Variants in PLXNA4 observed in about 807,000 individuals in gnomAD.
PLXNA4 encodes the protein plexin-A4.
In PLXNA4, 44 loss-of-function variants were observed where a neutral mutation model predicts 191.8. The observed-to-expected ratio is 0.23, with a 90% CI of 0.18 to 0.29. The LOEUF (loss-of-function observed/expected upper bound fraction) is 0.29, where lower values mean the gene tolerates loss of function less well. PLXNA4 is among the 10% of genes least tolerant of loss of function. The pLI, the probability that PLXNA4 is intolerant of heterozygous loss-of-function variation, is 1.00. For missense variants in PLXNA4, 1,800 were observed against 2,488.8 expected, an observed-to-expected ratio of 0.72 and a Z score of 5.89; for synonymous variants, 1,082 against 1,009.5, an observed-to-expected ratio of 1.07 and a Z score of -1.36.
chr7:132,382,632 C>G (rs1804942960), intron 3 of PLXNA4, among the ~76,000 whole-genome samples: 1 of 152,174 alleles, frequency 6.6e-6, no homozygotes, highest in Non-Finnish European at 1.5e-5. Context: ...TCGTTAATAA[C>G]AGAGAGTACT....
chr7:132,487,046 G>A (rs1797588701), intron 3 of PLXNA4, among the ~76,000 whole-genome samples: 1 of 152,188 alleles, frequency 6.6e-6, no homozygotes. Context: ...AATGCAAGTT[G>A]ACTATCTTGG....
intron 18 of PLXNA4, 134 bp from the exon 19 acceptor site, chr7:132,180,866 C>T: frequency 7.2e-7 from 1 of 1,390,648 alleles, no homozygotes; most frequent in Non-Finnish European, 9.6e-7. Context: ...GTAATAAGTG[C>T]AAAAAATATT....
At chr7:132,512,162 C>G (rs1044766885) in intron 1 of PLXNA4, among the ~76,000 whole-genome samples, 1 of 152,248 alleles carries the variant, frequency 6.6e-6, no homozygotes, top group Non-Finnish European at 1.5e-5. Context: ...TCCAGACAGG[C>G]AGGTGCAGGT....
At chr7:132,218,559 C>G (rs978618990) in intron 9 of PLXNA4, among the ~76,000 whole-genome samples, 3 of 152,188 alleles carry the variant, frequency 2.0e-5, no homozygotes, top group Non-Finnish European at 4.4e-5. Context: ...AATGGATTTG[C>G]TTTTGCAAGG....
At chr7:132,248,383 T>A (rs1237059975) in intron 4 of PLXNA4, among the ~76,000 whole-genome samples, 1 of 152,106 alleles carries the variant, frequency 6.6e-6, no homozygotes, top group African/African-American at 2.4e-5. Flanking sequence ...TGTATGCAAG[T>A]GAGTTTTGGG....
At chr7:132,252,502 G>C (rs113152540) in intron 4 of PLXNA4, among the ~76,000 whole-genome samples, 11,704 of 151,718 alleles carry the variant, frequency 0.077, 693 homozygotes, top group Admixed American at 0.17. Flanking sequence ...AATAGAGACA[G>C]GGTTTCACCA....
At chr7:132,512,473 T>C (rs1009893090) in intron 1 of PLXNA4, among the ~76,000 whole-genome samples, 1 of 152,210 alleles carries the variant, frequency 6.6e-6, no homozygotes, top group Non-Finnish European at 1.5e-5. Context: ...GTGAGATTAC[T>C]ACACCCAGAG....
chr7:132,309,159 T>C (rs1319657915), intron 3 of PLXNA4, among the ~76,000 whole-genome samples: 1 of 152,100 alleles, frequency 6.6e-6, no homozygotes, highest in African/African-American at 2.4e-5. Flanking sequence ...AAACCCTGAG[T>C]CTGCTTTAAC....
intron 3 of PLXNA4, among the ~76,000 whole-genome samples, chr7:132,299,830 G>C (rs1461270650): frequency 6.6e-6 from 1 of 152,140 alleles, no homozygotes; most frequent in South Asian, 2.1e-4. Flanking sequence ...GCCAATCAAC[G>C]TGAATCAGAG....
At chr7:132,194,201 TC>T in intron 13 of PLXNA4, 22 bp from the exon 14 acceptor site, 1 of 1,604,148 alleles carries the variant, frequency 6.2e-7, no homozygotes, top group South Asian at 1.1e-5. Context: ...ATAGGAGAAA[TC>T]CCATGGGTCA....
chr7:132,488,991 A>C (rs563172405), intron 3 of PLXNA4, among the ~76,000 whole-genome samples: 45 of 152,350 alleles, frequency 3.0e-4, no homozygotes, highest in Non-Finnish European at 5.7e-4. Flanking sequence ...TTAAGGGCAC[A>C]AGCCCAAATT....
chr7:132,409,156 C>T (rs1213321871), intron 3 of PLXNA4, among the ~76,000 whole-genome samples: 1 of 152,166 alleles, frequency 6.6e-6, no homozygotes, highest in African/African-American at 2.4e-5. Context: ...TGGAGCCAAA[C>T]ATCCAAATTA....
intron 1 of PLXNA4, among the ~76,000 whole-genome samples, chr7:132,561,581 C>T (rs1439197550): frequency 9.6e-6 from 1 of 103,814 alleles, no homozygotes; most frequent in African/African-American, 4.0e-5. Flanking sequence ...TCCCCTCCTC[C>T]TCTTCCTCCT....
intron 1 of PLXNA4, among the ~76,000 whole-genome samples, chr7:132,544,701 T>C (rs183046857): frequency 6.6e-6 from 1 of 152,288 alleles, no homozygotes; most frequent in Non-Finnish European, 1.5e-5. Flanking sequence ...ATGTAAACCT[T>C]TAAATAATTA....
intron 30 of PLXNA4, among the ~76,000 whole-genome samples, chr7:132,134,306 T>A (rs1223236297): frequency 6.6e-6 from 1 of 152,196 alleles, no homozygotes; most frequent in African/African-American, 2.4e-5. Context: ...CAGGACCCTG[T>A]CTGTCTTGTG....
intron 3 of PLXNA4, among the ~76,000 whole-genome samples, chr7:132,345,027 T>C (rs1803189384): frequency 6.6e-6 from 1 of 152,186 alleles, no homozygotes; most frequent in Admixed American, 6.5e-5. Context: ...GGTGCCAGCA[T>C]TGGTAGATGT....
chr7:132,612,330 C>T (rs1207704889), intron 2 of PLXNA4, among the ~76,000 whole-genome samples: 2 of 152,152 alleles, frequency 1.3e-5, no homozygotes, highest in Non-Finnish European at 2.9e-5. Context: ...ACCTGGCAGT[C>T]TCTGTCACAG....
At chr7:132,375,879 A>G (rs2116919612) in intron 3 of PLXNA4, among the ~76,000 whole-genome samples, 1 of 152,266 alleles carries the variant, frequency 6.6e-6, no homozygotes, top group East Asian at 1.9e-4. Flanking sequence ...GCTTATGTGG[A>G]ATTTAGAAAG....
intron 1 of PLXNA4, among the ~76,000 whole-genome samples, chr7:132,548,297 T>A (rs1297278050): frequency 6.6e-6 from 1 of 152,152 alleles, no homozygotes; most frequent in Non-Finnish European, 1.5e-5. Flanking sequence ...AATTGTGAGA[T>A]GACTGAGAAA....
Sources: gnomAD v4.1 joint callset for allele counts (sites outside exome capture counted in the v4.1 genomes callset) on GRCh38, gnomAD v4.1.1 for gene constraint, MANE v1.5 for transcripts, NCBI Gene and HGNC (gene_info 2026-07-23, HGNC 2026-07-21) for gene names.